ELMOD1: variants seen among roughly 807,000 people sequenced by gnomAD.
The protein encoded by ELMOD1 is ELMO domain-containing protein 1.
A neutral mutation model predicts 46.7 loss-of-function variants in ELMOD1; 21 were observed. The observed-to-expected ratio is 0.45, with a 90% CI of 0.32 to 0.65. ELMOD1 has a LOEUF of 0.65. ELMOD1 is among the 30% of genes least tolerant of loss of function. ELMOD1 has a pLI of 0.04. For missense variants in ELMOD1, 348 were observed against 407.8 expected (o/e 0.85, Z 1.26); for synonymous variants, 122 against 138.2 (o/e 0.88, Z 0.82).
intron 1 of ELMOD1, among the ~76,000 whole-genome samples, chr11:107,601,316 A>G (rs1228267824): frequency 6.7e-6 from 1 of 148,652 alleles, no homozygotes; most frequent in Non-Finnish European, 1.5e-5. Context: ...TTGACAGTGT[A>G]AATTTTATTT....
chr11:107,652,522 T>C (rs1044201943), intron 9 of ELMOD1, among the ~76,000 whole-genome samples: 6 of 152,210 alleles, frequency 3.9e-5, no homozygotes, highest in Admixed American at 6.5e-5. Flanking sequence ...CCAATGCAGA[T>C]AGAGAAATGA....
chr11:107,663,142 A>G (rs1866773032), intron 11 of ELMOD1, among the ~76,000 whole-genome samples: 1 of 152,148 alleles, frequency 6.6e-6, no homozygotes, highest in Admixed American at 6.5e-5. Context: ...TCAGATGAAG[A>G]GAGACAGAGG....
At chr11:107,622,149 T>C (rs1351871661) in intron 2 of ELMOD1, among the ~76,000 whole-genome samples, 1 of 152,150 alleles carries the variant, frequency 6.6e-6, no homozygotes, top group Non-Finnish European at 1.5e-5. Flanking sequence ...GTTATAAACA[T>C]TTTGTGAAGG....
chr11:107,657,716 T>A (rs557494779), intron 11 of ELMOD1, among the ~76,000 whole-genome samples: 1 of 152,308 alleles, frequency 6.6e-6, no homozygotes, highest in Admixed American at 6.5e-5. Context: ...TCAGGAAGCT[T>A]ATTTCCACAA....
At chr11:107,603,876 T>C (rs1307250223) in intron 1 of ELMOD1, among the ~76,000 whole-genome samples, 3 of 134,672 alleles carry the variant, frequency 2.2e-5, no homozygotes, top group African/African-American at 8.1e-5. Flanking sequence ...AGACCTTGTC[T>C]AAAAAAAAAA....
At chr11:107,651,030 T>C in intron 9 of ELMOD1, 122 bp downstream of exon 9, 2 of 536,594 alleles carry the variant, frequency 3.7e-6, no homozygotes, top group Middle Eastern at 1.2e-3. Context: ...TTCAAACCTT[T>C]AATCTAATAT....
intron 6 of ELMOD1, among the ~76,000 whole-genome samples, chr11:107,645,172 C>T (rs1455342200): frequency 1.3e-5 from 2 of 148,866 alleles, no homozygotes; most frequent in African/African-American, 5.0e-5. Flanking sequence ...CTCCTGACCT[C>T]GTGATCCACC....
intron 5 of ELMOD1, among the ~76,000 whole-genome samples, chr11:107,635,346 T>C (rs1866210590): frequency 6.6e-6 from 1 of 152,178 alleles, no homozygotes; most frequent in Admixed American, 6.5e-5. Flanking sequence ...TACTCCTGGC[T>C]TCAAGCAATC....
intron 11 of ELMOD1, among the ~76,000 whole-genome samples, chr11:107,657,993 C>A (rs563082292): frequency 6.6e-6 from 1 of 152,124 alleles, no homozygotes; most frequent in Non-Finnish European, 1.5e-5. Flanking sequence ...GGCAAATAAA[C>A]AAAAGAAGGC....
chr11:107,611,760 A>G (rs1865784990), intron 1 of ELMOD1, among the ~76,000 whole-genome samples: 1 of 151,854 alleles, frequency 6.6e-6, no homozygotes, highest in African/African-American at 2.4e-5. Flanking sequence ...ACACTTCTCA[A>G]TAGAAGACAT....
chr11:107,651,667 A>G (rs1488847189), intron 9 of ELMOD1, among the ~76,000 whole-genome samples: 1 of 152,246 alleles, frequency 6.6e-6, no homozygotes, highest in Admixed American at 6.5e-5. Flanking sequence ...ATCAAGCGAT[A>G]TTAATTTTGT....
At chr11:107,644,655 T>C (rs1254068070) in intron 6 of ELMOD1, among the ~76,000 whole-genome samples, 3 of 151,844 alleles carry the variant, frequency 2.0e-5, no homozygotes, top group Admixed American at 6.6e-5. Flanking sequence ...TTTGTATTTT[T>C]AGTAGAGACG....
chr11:107,605,180 G>C (rs1188625384), intron 1 of ELMOD1, among the ~76,000 whole-genome samples: 1 of 148,664 alleles, frequency 6.7e-6, no homozygotes, highest in Non-Finnish European at 1.5e-5. Context: ...GCTGAGAGAT[G>C]AATTTTCTTT....
At chr11:107,621,285 A>G (rs1225801478) in intron 2 of ELMOD1, among the ~76,000 whole-genome samples, 1 of 152,240 alleles carries the variant, frequency 6.6e-6, no homozygotes, top group African/African-American at 2.4e-5. Context: ...AATATCTGCC[A>G]AGCTCAAACC....
At chr11:107,656,845 A>G (rs1225053999) in intron 11 of ELMOD1, among the ~76,000 whole-genome samples, 1 of 152,216 alleles carries the variant, frequency 6.6e-6, no homozygotes, top group Non-Finnish European at 1.5e-5. Flanking sequence ...AAGAAGGATT[A>G]GAAGATTAAG....
intron 11 of ELMOD1, among the ~76,000 whole-genome samples, chr11:107,660,909 C>G (rs1199116661): frequency 6.6e-6 from 1 of 152,166 alleles, no homozygotes; most frequent in African/African-American, 2.4e-5. Context: ...GGAAGTCTGC[C>G]TTTTTCTTCA....
chr11:107,646,500 C>G (rs1591131046), intron 6 of ELMOD1, among the ~76,000 whole-genome samples: 1 of 151,952 alleles, frequency 6.6e-6, no homozygotes, highest in South Asian at 2.1e-4. Flanking sequence ...TTTGGGAGGC[C>G]GAGGCAGGCA....
intron 1 of ELMOD1, among the ~76,000 whole-genome samples, chr11:107,613,008 C>G (rs1303558091): frequency 6.6e-6 from 1 of 152,092 alleles, no homozygotes; most frequent in African/African-American, 2.4e-5. Flanking sequence ...CTTCCCTTCA[C>G]TTTTCCCATT....
chr11:107,592,041 C>A, intron 1 of ELMOD1: 1 of 478,728 alleles, frequency 2.1e-6, no homozygotes, highest in Non-Finnish European at 4.4e-6. Context: ...CAGCTGACAG[C>A]TGACGGGGCT....
Sources: gnomAD v4.1 joint callset for allele counts (sites outside exome capture counted in the v4.1 genomes callset) on GRCh38, gnomAD v4.1.1 for gene constraint, MANE v1.5 for transcripts, NCBI Gene and HGNC (gene_info 2026-07-23, HGNC 2026-07-21) for gene names.